Variants in LRRTM4 observed in about 807,000 individuals in gnomAD.
LRRTM4 encodes leucine rich repeat transmembrane neuronal 4, also known as leucine-rich repeat transmembrane neuronal protein 4.
LRRTM4 carries 25 observed loss-of-function variants against 47.6 expected under a neutral mutation model. The observed-to-expected ratio is 0.53, with a 90% CI of 0.38 to 0.73. LRRTM4 has a LOEUF of 0.73. Ranked by LOEUF, LRRTM4 falls within the 30% of genes least tolerant of loss-of-function variation. The pLI is 0.00. For missense variants in LRRTM4, 638 were observed against 713.4 expected (o/e 0.89, Z 1.20); for synonymous variants, 311 against 269.5 (o/e 1.15, Z -1.51).
At chr2:76,877,119 A>T (rs1425885395) in intron 3 of LRRTM4, among the ~76,000 whole-genome samples, 1 of 152,078 alleles carries the variant, frequency 6.6e-6, no homozygotes, top group Non-Finnish European at 1.5e-5. Flanking sequence ...ACTTTTTGTA[A>T]GAGCGGGAAG....
rs562274186 is a variant in LRRTM4, at chr2:76,787,575, A to T, written c.1552-38659T>A. Among the ~76,000 whole-genome samples the T allele has an allele frequency of 6.1e-5, 9 of 147,182 alleles. No individual in the cohort carries two copies. In the East Asian group the frequency reaches 1.2e-3, roughly 19 times the overall value. On this transcript the variant is annotated intron_variant, in intron 3 of 3. Transcript: ENST00000409884. ...AAGGAAGTTTTATGAAGTTAGGAAAATTTTTTTTTTTTAGTGTTTTGGTTA... is the reference window on the plus strand; with the variant it reads ...AAGGAAGTTTTATGAAGTTAGGAAATTTTTTTTTTTTTAGTGTTTTGGTTA...
intron 3 of LRRTM4, among the ~76,000 whole-genome samples, chr2:77,125,614 T>G (rs1015280419): frequency 3.3e-5 from 5 of 152,172 alleles, no homozygotes; most frequent in African/African-American, 1.2e-4. Flanking sequence ...TGGTCGTTGT[T>G]ATCTAATTGT....
chr2:76,944,058 C>T (rs1675243601), intron 3 of LRRTM4, among the ~76,000 whole-genome samples: 2 of 152,154 alleles, frequency 1.3e-5, no homozygotes. Context: ...GATCGCCCTA[C>T]TCTCTGACCT....
chr2:77,041,202 T>C (rs1365957768), intron 3 of LRRTM4, among the ~76,000 whole-genome samples: 1 of 151,618 alleles, frequency 6.6e-6, no homozygotes, highest in African/African-American at 2.4e-5. Flanking sequence ...CCTTGCTTCA[T>C]TTAATATAAT....
intron 3 of LRRTM4, among the ~76,000 whole-genome samples, chr2:77,081,975 G>A (rs537362400): frequency 6.6e-6 from 1 of 152,070 alleles, no homozygotes; most frequent in African/African-American, 2.4e-5. Flanking sequence ...TCATCACAAA[G>A]AGATTACTGT....
intron 3 of LRRTM4, among the ~76,000 whole-genome samples, chr2:76,870,095 A>T (rs1217649706): frequency 6.6e-6 from 1 of 152,172 alleles, no homozygotes; most frequent in Non-Finnish European, 1.5e-5. Context: ...GGGATCTTTA[A>T]TGCTTACCAG....
intron 3 of LRRTM4, among the ~76,000 whole-genome samples, chr2:77,330,418 A>G (rs565188801): frequency 6.6e-6 from 1 of 152,202 alleles, no homozygotes; most frequent in Non-Finnish European, 1.5e-5. Context: ...AGTGATATTT[A>G]AAATATTACT....
At chr2:77,407,106 A>G (rs2103849357) in intron 3 of LRRTM4, among the ~76,000 whole-genome samples, 1 of 152,276 alleles carries the variant, frequency 6.6e-6, no homozygotes, top group East Asian at 1.9e-4. Flanking sequence ...TTAGAAGTAA[A>G]TCCTTTCAAG....
chr2:77,218,486 T>C (rs1674522070), intron 3 of LRRTM4, among the ~76,000 whole-genome samples: 1 of 151,226 alleles, frequency 6.6e-6, no homozygotes, highest in African/African-American at 2.4e-5. Flanking sequence ...GCCATATACT[T>C]CCACTCCATG....
At chr2:77,101,130 A>C (rs904561922) in intron 3 of LRRTM4, among the ~76,000 whole-genome samples, 2 of 152,052 alleles carry the variant, frequency 1.3e-5, no homozygotes, top group Non-Finnish European at 2.9e-5. Context: ...TTTTTAGTTA[A>C]TCTTACCATC....
intron 3 of LRRTM4, among the ~76,000 whole-genome samples, chr2:77,196,994 G>A (rs1673846692): frequency 6.6e-6 from 1 of 151,958 alleles, no homozygotes; most frequent in Non-Finnish European, 1.5e-5. Context: ...GACTTCTTCT[G>A]TTGGCTCTGT....
At chr2:76,808,244 T>G (rs893684353) in intron 3 of LRRTM4, among the ~76,000 whole-genome samples, 1 of 151,986 alleles carries the variant, frequency 6.6e-6, no homozygotes, top group Admixed American at 6.6e-5. Flanking sequence ...GGTCTCGAAC[T>G]CCTGACTTCG....
intron 3 of LRRTM4, among the ~76,000 whole-genome samples, chr2:77,469,681 A>G (rs1158789012): frequency 6.6e-6 from 1 of 152,164 alleles, no homozygotes; most frequent in East Asian, 1.9e-4. Context: ...TCTGGAAAGG[A>G]AGATGATTGA....
intron 3 of LRRTM4, among the ~76,000 whole-genome samples, chr2:76,851,360 G>A (rs1671989242): frequency 6.6e-6 from 1 of 152,140 alleles, no homozygotes; most frequent in South Asian, 2.1e-4. Flanking sequence ...TGAATCTGTA[G>A]CTAATGTACT....
intron 3 of LRRTM4, among the ~76,000 whole-genome samples, chr2:76,946,002 C>T (rs553574751): frequency 1.8e-4 from 28 of 151,884 alleles, no homozygotes; most frequent in Admixed American, 4.6e-4. Flanking sequence ...ACTTTTCAAG[C>T]TTCTTGAAAT....
chr2:77,020,652 G>GA (rs1309712783), intron 3 of LRRTM4, among the ~76,000 whole-genome samples: 1 of 151,998 alleles, frequency 6.6e-6, no homozygotes, highest in Non-Finnish European at 1.5e-5. Flanking sequence ...AGTTCAAAAT[G>GA]AAAAAATATC....
At chr2:77,359,286 T>A (rs553094747) in intron 3 of LRRTM4, among the ~76,000 whole-genome samples, 29 of 152,270 alleles carry the variant, frequency 1.9e-4, no homozygotes, top group Non-Finnish European at 1.5e-5. Flanking sequence ...GTCTTCTAGA[T>A]GTCCCCCCAA....
intron 3 of LRRTM4, among the ~76,000 whole-genome samples, chr2:76,902,586 G>C (rs1673676849): frequency 6.6e-6 from 1 of 152,132 alleles, no homozygotes; most frequent in Non-Finnish European, 1.5e-5. Context: ...GCCAGAAATG[G>C]GAGCCTTATA....
intron 3 of LRRTM4, among the ~76,000 whole-genome samples, chr2:77,089,145 T>C (rs1193903534): frequency 2.0e-5 from 3 of 151,978 alleles, no homozygotes; most frequent in Non-Finnish European, 4.4e-5. Flanking sequence ...CCCGCTTTTC[T>C]GGGGAAGGGG....
Sources: allele counts gnomAD v4.1 joint callset (sites outside exome capture counted in the v4.1 genomes callset), GRCh38; gene constraint gnomAD v4.1.1; transcripts MANE v1.5; gene names NCBI Gene and HGNC (gene_info 2026-07-23, HGNC 2026-07-21).